Variants in CHRM3 observed in about 807,000 individuals in gnomAD.
CHRM3 encodes muscarinic acetylcholine receptor M3.
In CHRM3, 11 loss-of-function variants were observed where a neutral mutation model predicts 41.8. The ratio of observed to expected loss-of-function variants is 0.26; its 90% CI spans 0.17 to 0.44. The LOEUF is 0.44. CHRM3 is among the 20% of genes least tolerant of loss of function. The probability of loss-of-function intolerance (pLI) is 1.00; values close to 1 mark genes in which losing one functional copy is unlikely to be tolerated. For missense variants in CHRM3, 571 were observed against 745.4 expected (o/e 0.77, Z 2.72); for synonymous variants, 297 against 301.4 (o/e 0.99, Z 0.15).
intron 6 of CHRM3, among the ~76,000 whole-genome samples, chr1:239,882,214 C>T (rs7540620): frequency 0.021 from 3,163 of 152,240 alleles, 131 homozygotes; most frequent in African/African-American, 0.072. Flanking sequence ...GCCCAATGTA[C>T]TCATTTTAAC....
intron 5 of CHRM3, among the ~76,000 whole-genome samples, chr1:239,764,443 G>C (rs942763431): frequency 1.3e-5 from 2 of 152,180 alleles, no homozygotes; most frequent in Non-Finnish European, 2.9e-5. Context: ...CATCCGAATT[G>C]TTCTGCTGTC....
chr1:239,644,080 A>T (rs796234056), intron 4 of CHRM3, among the ~76,000 whole-genome samples: 15 of 152,280 alleles, frequency 9.9e-5, no homozygotes, highest in African/African-American at 3.4e-4. Context: ...TGATGTTGAA[A>T]CTTCTTGGGG....
chr1:239,881,194 A>G (rs1406747056), intron 6 of CHRM3, among the ~76,000 whole-genome samples: 3 of 139,918 alleles, frequency 2.1e-5, no homozygotes, highest in South Asian at 2.4e-4. Flanking sequence ...GAGGCAGGAG[A>G]ATGGCGTGAA....
At chr1:239,405,792 C>T (rs908667882) in intron 1 of CHRM3, among the ~76,000 whole-genome samples, 3 of 152,024 alleles carry the variant, frequency 2.0e-5, no homozygotes, top group African/African-American at 4.8e-5. Flanking sequence ...TGTTATGTTC[C>T]GTGGACTGTA....
intron 5 of CHRM3, among the ~76,000 whole-genome samples, chr1:239,805,486 G>A (rs963129876): frequency 6.6e-6 from 1 of 152,162 alleles, no homozygotes; most frequent in South Asian, 2.1e-4. Context: ...GGAGGATTAA[G>A]AGAAGAGGGG....
At chr1:239,828,863 A>G (rs1672676261) in intron 6 of CHRM3, among the ~76,000 whole-genome samples, 1 of 152,180 alleles carries the variant, frequency 6.6e-6, no homozygotes, top group Non-Finnish European at 1.5e-5. Flanking sequence ...AGGAGATCTA[A>G]GATGAACAAA....
intron 6 of CHRM3, among the ~76,000 whole-genome samples, chr1:239,874,321 A>ATATATATC (rs1676926650): frequency 3.9e-5 from 4 of 103,782 alleles, no homozygotes; most frequent in Admixed American, 2.3e-4. Flanking sequence ...ATATATATAT[A>ATATATATC]TATATACACA....
intron 3 of CHRM3, among the ~76,000 whole-genome samples, chr1:239,550,675 A>C (rs1659727812): frequency 6.6e-6 from 1 of 152,206 alleles, no homozygotes; most frequent in Admixed American, 6.5e-5. Context: ...ATATCATTTT[A>C]AGTATTTTTA....
At chr1:239,771,628 C>T (rs555024) in intron 5 of CHRM3, among the ~76,000 whole-genome samples, 95,040 of 152,076 alleles carry the variant, frequency 0.62, 30,977 homozygotes, top group Non-Finnish European at 0.73. Flanking sequence ...GGTCGGCAAA[C>T]ATTTTCTGTA....
At chr1:239,892,716 G>A (rs562544436) in intron 6 of CHRM3, among the ~76,000 whole-genome samples, 10 of 152,184 alleles carry the variant, frequency 6.6e-5, no homozygotes, top group African/African-American at 2.2e-4. Flanking sequence ...TGGCCTCACT[G>A]ATGCTGAGCT....
At chr1:239,739,945 G>C (rs1664697973) in intron 5 of CHRM3, among the ~76,000 whole-genome samples, 1 of 152,110 alleles carries the variant, frequency 6.6e-6, no homozygotes, top group Non-Finnish European at 1.5e-5. Context: ...GGTGTCCAGG[G>C]AGATGTGTGT....
intron 4 of CHRM3, among the ~76,000 whole-genome samples, chr1:239,668,956 G>A (rs928386943): frequency 3.9e-5 from 6 of 152,086 alleles, no homozygotes; most frequent in Admixed American, 2.6e-4. Flanking sequence ...TTCTTTAAAG[G>A]GCATCCCTGC....
chr1:239,683,990 T>C (rs1571972508), intron 5 of CHRM3, among the ~76,000 whole-genome samples: 2 of 152,350 alleles, frequency 1.3e-5, no homozygotes. Context: ...AATTTCACTT[T>C]GAAGTTAAAT....
chr1:239,448,808 A>G (rs1411179854), intron 1 of CHRM3, among the ~76,000 whole-genome samples: 5 of 152,126 alleles, frequency 3.3e-5, no homozygotes, highest in Non-Finnish European at 5.9e-5. Context: ...TTTGTTTTCA[A>G]TCTTAAAATC....
chr1:239,515,605 G>A (rs1194386839), intron 2 of CHRM3, among the ~76,000 whole-genome samples: 1 of 152,100 alleles, frequency 6.6e-6, no homozygotes, highest in Non-Finnish European at 1.5e-5. Context: ...TTGCCACATG[G>A]CTTCAAATGC....
chr1:239,516,109 A>G (rs560682273), intron 2 of CHRM3, among the ~76,000 whole-genome samples: 1 of 151,856 alleles, frequency 6.6e-6, no homozygotes, highest in South Asian at 2.1e-4. Flanking sequence ...TTTTGTGCTT[A>G]CTTGCAACAA....
At chr1:239,528,964 C>T (rs537600732) in intron 2 of CHRM3, among the ~76,000 whole-genome samples, 4 of 152,130 alleles carry the variant, frequency 2.6e-5, no homozygotes, top group Non-Finnish European at 4.4e-5. Flanking sequence ...TCCAGAATAA[C>T]CCCCGAAAAC....
chr1:239,778,460 C>A (rs147069454), intron 5 of CHRM3, among the ~76,000 whole-genome samples: 1 of 152,142 alleles, frequency 6.6e-6, no homozygotes, highest in Non-Finnish European at 1.5e-5. Flanking sequence ...CTGTAAGTTC[C>A]GTGTTTATCC....
chr1:239,751,705 G>A (rs535745994), intron 5 of CHRM3, among the ~76,000 whole-genome samples: 2 of 152,020 alleles, frequency 1.3e-5, no homozygotes, highest in South Asian at 4.2e-4. Flanking sequence ...AGACAGATGG[G>A]GATTCTCATC....
Sources: allele counts gnomAD v4.1 joint callset (sites outside exome capture counted in the v4.1 genomes callset), GRCh38; gene constraint gnomAD v4.1.1; transcripts MANE v1.5; gene names NCBI Gene and HGNC (gene_info 2026-07-23, HGNC 2026-07-21).